The following SYCP1 variants were observed in gnomAD, a reference collection of about 807,000 sequenced individuals.
SYCP1 encodes the protein cancer/testis antigen 8.
SYCP1 carries 64 observed loss-of-function variants against 153.1 expected under a neutral mutation model. That is an observed-to-expected ratio of 0.42 (90% confidence interval 0.34 to 0.51). The LOEUF is 0.51. Among genes scored for constraint, SYCP1 ranks in the 20% least tolerant of loss-of-function variants. The pLI, the probability that SYCP1 is intolerant of heterozygous loss-of-function variation, is 0.06. For synonymous variants in SYCP1, 384 were observed against 341.8 expected, an observed-to-expected ratio of 1.12 and a Z score of -1.36; for missense variants, 997 against 1,049.0, an observed-to-expected ratio of 0.95 and a Z score of 0.68.
At chr1:114,969,565 T>C (rs1439053103) in intron 27 of SYCP1, among the ~76,000 whole-genome samples, 1 of 152,156 alleles carries the variant, frequency 6.6e-6, no homozygotes, top group Non-Finnish European at 1.5e-5. Flanking sequence ...AGCCAGTGGA[T>C]CTTAGCTTGT....
rs144689343 is a variant in SYCP1 at position 114,976,221 on chromosome 1, A to T, written c.2323-1336A>T. On this transcript the variant is annotated intron_variant, in intron 27 of 31. Coordinates refer to ENST00000369522, the MANE Select transcript of SYCP1 (RefSeq NM_003176.4). ...CACTAGAGTACCAGGCTTCCTTTTT[A>T]TTCAAAAGGCTATAGGCTGATACGT... 2.8e-4 allele frequency among the ~76,000 whole-genome samples: 43 copies of T among 151,810 alleles called. No homozygotes were observed. The East Asian group carries it at 6.6e-3, about 23-fold the overall frequency.
intron 10 of SYCP1, 107 bp downstream of exon 10, chr1:114,876,245 T>A: frequency 1.6e-6 from 1 of 628,216 alleles, no homozygotes; most frequent in Non-Finnish European, 2.4e-6. Flanking sequence ...TCTGAACTAT[T>A]TTCTATTTTA....
rs538307337 is a variant in SYCP1, at chr1:114,977,699, A to G, written c.2382+83A>G. On this transcript the variant is annotated intron_variant, in intron 28 of 31. Transcript: ENST00000369522. ...TAGAAATGATTTTTTGTTTATAAGT[A>G]GGAAAATAACATTTTACATATATCA... The G allele has an allele frequency of 1.0e-5, 9 of 890,788 alleles. No homozygotes were observed. In the East Asian group the frequency reaches 2.7e-4, roughly 26 times the overall value. 55.2% of individuals were successfully genotyped at this position (890,788 alleles called of 1,614,324 possible).
chr1:114,916,098 A>G (rs1218387269), intron 20 of SYCP1, among the ~76,000 whole-genome samples: 3 of 152,108 alleles, frequency 2.0e-5, no homozygotes, highest in East Asian at 1.9e-4. Flanking sequence ...TAAAGAATGT[A>G]TTTGGTCATT....
At chr1:114,920,524 T>A (rs1668797511) in intron 20 of SYCP1, among the ~76,000 whole-genome samples, 1 of 152,132 alleles carries the variant, frequency 6.6e-6, no homozygotes, top group African/African-American at 2.4e-5. Flanking sequence ...TTGATTGATG[T>A]TTCTTTGGAT....
In SYCP1 at chr1:114,921,395, G is replaced by A. The variant is rs184191187; in HGVS notation, c.1719-2054G>A. On this transcript the variant is annotated intron_variant, in intron 20 of 31. Transcript: ENST00000369522. Reference sequence around the variant, plus strand: ...CTTTTTGTCTTCCTACTTAAGATACGAGGCCAGGTACGGTGGCTCACTCCT... The same window carrying A: ...CTTTTTGTCTTCCTACTTAAGATACAAGGCCAGGTACGGTGGCTCACTCCT... 1.5e-3 allele frequency among the ~76,000 whole-genome samples: 220 copies of A among 151,398 alleles called. 2 individuals carry two copies. Among genetic ancestry groups the A allele is most frequent in the Admixed American group, 7.8e-3 (118 of 15,176 alleles).
intron 8 of SYCP1, among the ~76,000 whole-genome samples, chr1:114,873,166 T>C (rs902105047): frequency 6.6e-6 from 1 of 152,224 alleles, no homozygotes; most frequent in Non-Finnish European, 1.5e-5. Context: ...CTGGTTCTTA[T>C]GCTTGTCTTG....
intron 1 of SYCP1, 101 bp from the exon 2 acceptor site, chr1:114,855,340 G>T: frequency 1.8e-6 from 1 of 557,550 alleles, no homozygotes; most frequent in South Asian, 3.7e-5. Context: ...TTTTTTTTTA[G>T]CCATTTAGTT....
chr1:114,983,123 G>A (rs568329651), intron 29 of SYCP1, among the ~76,000 whole-genome samples: 10 of 152,030 alleles, frequency 6.6e-5, no homozygotes, highest in Admixed American at 3.9e-4. Context: ...CTCTGCCTTA[G>A]CTTTCCATTC....
rs535428484 is a variant in SYCP1, at chr1:114,876,908, A to C, written c.801+98A>C. 24 of 572,398 alleles carry C rather than the reference A, an allele frequency of 4.2e-5. No individual in the cohort carries two copies. In the South Asian group the frequency reaches 9.1e-4, roughly 22 times the overall value. 35.5% of individuals were successfully genotyped at this position (572,398 alleles called of 1,614,324 possible). A position where few individuals can be genotyped will look rare whatever the true frequency, so the allele number is the denominator to read the frequency against. ...GTTTATATTTACTGAAAGTATGATA[A>C]ATTCCTATGAGAGAATTTTAATATT... On this transcript the variant is annotated intron_variant, in intron 11 of 31. Transcript: ENST00000369522.
intron 24 of SYCP1, 95 bp from the exon 25 acceptor site, chr1:114,944,777 G>A (rs1411280154): frequency 3.2e-6 from 3 of 927,998 alleles, no homozygotes; most frequent in Non-Finnish European, 4.8e-6. Flanking sequence ...GGTGTTTGAG[G>A]TTTGCTTTTA....
At chr1:114,877,318 C>T (rs2101477630) in intron 11 of SYCP1, among the ~76,000 whole-genome samples, 1 of 152,152 alleles carries the variant, frequency 6.6e-6, no homozygotes, top group East Asian at 1.9e-4. Flanking sequence ...ACTCTATATC[C>T]TTTGGCATTC....
At chr1:114,974,937 T>C (rs963622547) in intron 27 of SYCP1, among the ~76,000 whole-genome samples, 4 of 151,824 alleles carry the variant, frequency 2.6e-5, no homozygotes, top group African/African-American at 9.7e-5. Flanking sequence ...CCATTTGACA[T>C]TCCCACACAG....
intron 27 of SYCP1, among the ~76,000 whole-genome samples, chr1:114,976,512 A>G (rs1306499143): frequency 6.6e-6 from 1 of 151,926 alleles, no homozygotes; most frequent in Admixed American, 6.6e-5. Context: ...CAGACGAGGA[A>G]AAGTCAGAAT....
chr1:114,858,816 G>A, intron 6 of SYCP1, 105 bp downstream of exon 6: 1 of 1,004,674 alleles, frequency 1.0e-6, no homozygotes. Context: ...TTGTTTTTGT[G>A]ATGAATATTT....
At chr1:114,965,743 T>A (rs1461898331) in intron 27 of SYCP1, among the ~76,000 whole-genome samples, 2 of 152,192 alleles carry the variant, frequency 1.3e-5, no homozygotes, top group African/African-American at 4.8e-5. Flanking sequence ...CTGGATTAGG[T>A]TTGCCAGTAT....
chr1:114,936,354 C>A (rs963454745), intron 23 of SYCP1, among the ~76,000 whole-genome samples: 1 of 152,256 alleles, frequency 6.6e-6, no homozygotes, highest in East Asian at 1.9e-4. Flanking sequence ...ATTCAACACC[C>A]CTTCATGCTA....
intron 27 of SYCP1, among the ~76,000 whole-genome samples, chr1:114,962,233 G>A (rs903943776): frequency 3.9e-4 from 60 of 152,020 alleles, no homozygotes; most frequent in African/African-American, 1.2e-3. Context: ...GATCCAGCCC[G>A]CCTCAGCCTC....
intron 27 of SYCP1, among the ~76,000 whole-genome samples, chr1:114,967,409 C>G (rs1057166510): frequency 1.3e-5 from 2 of 152,158 alleles, no homozygotes; most frequent in African/African-American, 4.8e-5. Flanking sequence ...TTGCATTGAT[C>G]CCTTTACCAT....
Sources: gnomAD v4.1 joint callset for allele counts (sites outside exome capture counted in the v4.1 genomes callset) on GRCh38, gnomAD v4.1.1 for gene constraint, MANE v1.5 for transcripts, NCBI Gene and HGNC (gene_info 2026-07-23, HGNC 2026-07-21) for gene names.